LAMA1: variants seen among roughly 807,000 people sequenced by gnomAD.
LAMA1 encodes laminin subunit alpha-1.
A neutral mutation model predicts 348.7 loss-of-function variants in LAMA1; 219 were observed. That is an observed-to-expected ratio of 0.63 (90% confidence interval 0.56 to 0.70). The LOEUF (loss-of-function observed/expected upper bound fraction) is 0.70. Ranked by LOEUF, LAMA1 falls within the 30% of genes least tolerant of loss-of-function variation. The pLI is 0.00. For missense variants in LAMA1, 3,744 were observed against 3,888.0 expected (o/e 0.96, Z 0.99); for synonymous variants, 1,487 against 1,491.0 (o/e 1.00, Z 0.06).
intron 34 of LAMA1, among the ~76,000 whole-genome samples, chr18:6,994,672 GAC>G (rs10534077): frequency 0.032 from 4,681 of 148,470 alleles, 120 homozygotes; most frequent in African/African-American, 0.071. Context: ...TCACAGTACA[GAC>G]ACACACACAC....
At chr18:7,087,027 A>G (rs1175462390) in intron 1 of LAMA1, among the ~76,000 whole-genome samples, 1 of 152,190 alleles carries the variant, frequency 6.6e-6, no homozygotes, top group African/African-American at 2.4e-5. Context: ...TTTTGGACAA[A>G]AGAAGCAAAT....
chr18:6,958,516 G>T lies in LAMA1; in HGVS notation c.7925C>A (p.Ser2642Ter). ...EGTSLLTMRR[S>*]FHGCIKNLIF... ...CAGGTTTTTGATACAGCCATGGAAC[G>T]ATCTTCTCATTGTGAGCAGTGACGT... Residue 2642 changes from serine to a stop codon, truncating the protein, a stop_gained, in exon 55 of 63, where the codon TCG becomes TAG. Coordinates refer to ENST00000389658, the MANE Select transcript of LAMA1 (RefSeq NM_005559.4). LOFTEE classifies it high-confidence loss of function. 1 of 1,614,132 alleles carries T rather than the reference G, an allele frequency of 6.2e-7. No individual in the cohort carries two copies. Among genetic ancestry groups the T allele is most frequent in the Non-Finnish European group, 8.5e-7 (1 of 1,180,018 alleles).
At chr18:7,019,008 C>T (rs55932748) in intron 19 of LAMA1, among the ~76,000 whole-genome samples, 11,915 of 152,122 alleles carry the variant, frequency 0.078, 727 homozygotes, top group African/African-American at 0.17. Context: ...CCATCAACCC[C>T]GTAGCTGGAC....
chr18:7,005,110 C>T (rs1003947086), intron 29 of LAMA1, among the ~76,000 whole-genome samples: 3 of 152,316 alleles, frequency 2.0e-5, no homozygotes, highest in Admixed American at 6.5e-5. Context: ...AACGGACCCA[C>T]GACCACTCCA....
chr18:6,999,418 T>C (rs767382051), intron 32 of LAMA1, 27 bp downstream of exon 32: 18 of 1,613,176 alleles, frequency 1.1e-5, no homozygotes, highest in Non-Finnish European at 1.5e-5. Flanking sequence ...AAAACCATCT[T>C]TACACATTTA....
intron 1 of LAMA1, among the ~76,000 whole-genome samples, chr18:7,100,058 CAAAAAAAAAAAAAAA>C (rs3038921): frequency 1.3e-5 from 1 of 79,704 alleles, no homozygotes; most frequent in African/African-American, 4.8e-5. Context: ...GACTTTGTCT[CAAAAAAAAAAAAAAA>C]AAAAAAAAAG....
At chr18:7,037,884 C>A in intron 11 of LAMA1, 133 bp from the exon 12 acceptor site, 1 of 854,114 alleles carries the variant, frequency 1.2e-6, no homozygotes, top group South Asian at 1.5e-5. Context: ...AACATAACAC[C>A]TGTGGCTGCT....
intron 5 of LAMA1, among the ~76,000 whole-genome samples, chr18:7,047,009 A>AAT (rs1238351278): frequency 6.6e-6 from 1 of 151,630 alleles, no homozygotes; most frequent in Non-Finnish European, 1.5e-5. Flanking sequence ...ATCTACAAAT[A>AAT]ATAACAGTTT....
At chr18:7,018,166 T>C (rs2057897541) in intron 19 of LAMA1, among the ~76,000 whole-genome samples, 1 of 151,478 alleles carries the variant, frequency 6.6e-6, no homozygotes, top group Admixed American at 6.6e-5. Context: ...TGAAACCCCA[T>C]CTCTACTAAA....
chr18:7,050,342 G>A (rs1335872199), intron 4 of LAMA1, among the ~76,000 whole-genome samples: 1 of 152,100 alleles, frequency 6.6e-6, no homozygotes, highest in Admixed American at 6.5e-5. Context: ...ACCACCTACC[G>A]AGGAGAACAC....
chr18:6,961,918 T>A, intron 52 of LAMA1, 27 bp downstream of exon 52: 6 of 1,588,466 alleles, frequency 3.8e-6, no homozygotes, highest in Non-Finnish European at 5.2e-6. Context: ...GGAAACTCAT[T>A]TGAACATTAA....
chr18:6,978,416 C>T (rs372643852), intron 42 of LAMA1, 38 bp from the exon 43 acceptor site: 348 of 1,536,540 alleles, frequency 2.3e-4, no homozygotes, highest in Admixed American at 6.7e-5. Context: ...ACTTCTGGTG[C>T]TTACACACAG....
chr18:7,092,362 C>T (rs954779368), intron 1 of LAMA1, among the ~76,000 whole-genome samples: 2 of 152,150 alleles, frequency 1.3e-5, no homozygotes, highest in African/African-American at 4.8e-5. Context: ...CGGCTGGGTG[C>T]GGTGGCTCAT....
At chr18:7,111,512 C>T (rs1188122440) in intron 1 of LAMA1, among the ~76,000 whole-genome samples, 1 of 152,264 alleles carries the variant, frequency 6.6e-6, no homozygotes, top group African/African-American at 2.4e-5. Context: ...CACTGTCACA[C>T]CCAGTATAAA....
Position 7,037,695 on chromosome 18 carries a change from C to A in LAMA1, c.1620G>T (p.Pro540=). 6.2e-7 allele frequency: 1 copy of A among 1,614,178 alleles called. No homozygotes were observed. Among genetic ancestry groups the A allele is most frequent in the Non-Finnish European group, 8.5e-7 (1 of 1,180,030 alleles). The change falls in exon 12 of 63, where the codon CCG becomes CCT. Residue 540 remains proline, a synonymous_variant. Coordinates refer to ENST00000389658, the MANE Select transcript of LAMA1 (RefSeq NM_005559.4). ...GCCCGCCTAGTGCATCTTGCTGAGA[C>A]GGGATCTTCCTGGGACTGATCAAGT... The part of the protein sequence containing the change: ...VTDLISPRKI[P]SQQDALGGRH...
chr18:7,095,122 T>TTCTCTCTCTCTC (rs71165720), intron 1 of LAMA1, among the ~76,000 whole-genome samples: 84 of 126,552 alleles, frequency 6.6e-4, no homozygotes, highest in African/African-American at 2.4e-3. Context: ...CTCAGGACCT[T>TTCTCTCTCTCTC]TCTCTCTCTC....
rs114154375 is a variant in LAMA1, at chr18:7,112,512, G to A, written c.61+5148C>T. On this transcript the variant is annotated intron_variant, in intron 1 of 62. Transcript: ENST00000389658. ...ATTAAAGCCAGTGGTTACCTCAAAA[G>A]AGAGTAAAAAAGCCAAGTCTTAACT... Among the ~76,000 whole-genome samples, 656 of 152,074 alleles carry A rather than the reference G, an allele frequency of 4.3e-3. 2 individuals carry two copies. The highest frequency in any genetic ancestry group is 0.015 in the African/African-American group (619 of 41,512).
chr18:7,034,064 C>T (rs1432937658), intron 14 of LAMA1, among the ~76,000 whole-genome samples: 4 of 152,140 alleles, frequency 2.6e-5, no homozygotes, highest in Non-Finnish European at 4.4e-5. Flanking sequence ...ATGCTTGGCA[C>T]GGCATTGCCA....
Position 6,985,402 on chromosome 18 carries a change from T to C in LAMA1, c.5497-2A>G. 3 of 1,614,156 alleles carry C rather than the reference T, an allele frequency of 1.9e-6. No individual in the cohort carries two copies. In the South Asian group the frequency reaches 3.3e-5, roughly 18 times the overall value. ...CTTATCCTGGTGATCCTCTAAGTGC[T>C]ACATGGAGAAATTAATATTGTAAAT... On this transcript the variant is annotated splice_acceptor_variant, in intron 38 of 62. Transcript: ENST00000389658. LOFTEE classifies it high-confidence loss of function.
Sources: gnomAD v4.1 joint callset for allele counts (sites outside exome capture counted in the v4.1 genomes callset) on GRCh38, gnomAD v4.1.1 for gene constraint, MANE v1.5 for transcripts, NCBI Gene and HGNC (gene_info 2026-07-23, HGNC 2026-07-21) for gene names.